The following PDE10A variants were observed in gnomAD, a reference collection of about 807,000 sequenced individuals.
The protein encoded by PDE10A is phosphodiesterase 10A, also known as cAMP and cAMP-inhibited cGMP 3',5'-cyclic phosphodiesterase 10A.
Under a neutral mutation model 97.7 loss-of-function variants are expected in PDE10A, and 39 were observed. The ratio of observed to expected loss-of-function variants is 0.40; its 90% confidence interval spans 0.31 to 0.52. The LOEUF (loss-of-function observed/expected upper bound fraction) is 0.52. PDE10A is among the 20% of genes least tolerant of loss of function. The pLI, the probability that PDE10A is intolerant of heterozygous loss-of-function variation, is 0.56. For synonymous variants in PDE10A, 371 were observed against 376.8 expected, an observed-to-expected ratio of 0.98 and a Z score of 0.18; for missense variants, 731 against 1,047.8, an observed-to-expected ratio of 0.70 and a Z score of 4.17.
chr6:165,633,475 G>A (rs1788728741), intron 1 of PDE10A, among the ~76,000 whole-genome samples: 1 of 152,000 alleles, frequency 6.6e-6, no homozygotes, highest in Admixed American at 6.6e-5. Flanking sequence ...AAACCCCCTC[G>A]GAAGGGAGAA....
At chr6:165,634,114 A>G (rs1583685193) in intron 1 of PDE10A, among the ~76,000 whole-genome samples, 1 of 152,108 alleles carries the variant, frequency 6.6e-6, no homozygotes, top group Non-Finnish European at 1.5e-5. Flanking sequence ...CTTCTGTTTC[A>G]GTGCGTCTGG....
intron 1 of PDE10A, among the ~76,000 whole-genome samples, chr6:165,584,748 A>G (rs772020413): frequency 1.9e-4 from 29 of 152,186 alleles, no homozygotes; most frequent in Non-Finnish European, 3.5e-4. Context: ...CTGTGACTGA[A>G]GTCAATGGAA....
chr6:165,691,589 GCGCACA>G (rs71029558), intron 1 of PDE10A, among the ~76,000 whole-genome samples: 91,555 of 144,096 alleles, frequency 0.64, 31,359 homozygotes, highest in Non-Finnish European at 0.79. Context: ...ATGCACGCGC[GCGCACA>G]CACACACACA....
rs189553912 is a variant in PDE10A at position 165,518,923 on chromosome 6, T to C, written c.994+24517A>G. Among the ~76,000 whole-genome samples, 469 of 152,312 alleles carry C rather than the reference T, an allele frequency of 3.1e-3. 2 individuals are homozygous for C. Among genetic ancestry groups the C allele is most frequent in the Middle Eastern group, 0.017 (5 of 294 alleles). ...TTGATGGCAACAGGGTTTGGTATTA[T>C]CAGTGGTTTCAGGCATCCACTGGGG... On this transcript the variant is annotated intron_variant, in intron 2 of 21. Transcript: ENST00000539869.
intron 1 of PDE10A, among the ~76,000 whole-genome samples, chr6:165,604,653 C>A (rs1202483584): frequency 6.6e-6 from 1 of 152,118 alleles, no homozygotes; most frequent in Non-Finnish European, 1.5e-5. Flanking sequence ...GAATGGGATA[C>A]TACTTATCCT....
intron 1 of PDE10A, among the ~76,000 whole-genome samples, chr6:165,600,020 G>C (rs1463710825): frequency 1.3e-5 from 2 of 152,246 alleles, no homozygotes; most frequent in Admixed American, 1.3e-4. Context: ...AGTGCAAGCT[G>C]TTCCCTCCGG....
chr6:165,460,557 CAG>C lies in PDE10A; in HGVS notation c.1024-10197_1024-10196del, dbSNP rs1778260223. 2.0e-5 allele frequency among the ~76,000 whole-genome samples: 3 copies of C among 152,174 alleles called. 1 individual carries two copies. In the East Asian group the frequency reaches 5.8e-4, roughly 29 times the overall value. On this transcript the variant is annotated intron_variant, in intron 3 of 21. Transcript: ENST00000539869. ...TTTAAAGGTTTGGTAGATACAGGAG[CAG>C]ACATTTCCATCATTTCTCTACAGCA...
In PDE10A at chr6:165,350,008, G is replaced by C. The variant is rs140664769; in HGVS notation, c.2784-6506C>G. On this transcript the variant is annotated intron_variant, in intron 18 of 21. Transcript: ENST00000539869. ...CCTCATGGAGAACCCTGCTAGGGCA[G>C]TGTGAAAGGGAAATGTGGAGTCAGA... 2.5e-3 allele frequency among the ~76,000 whole-genome samples: 382 copies of C among 152,348 alleles called. 2 individuals carry two copies. The highest frequency in any genetic ancestry group is 8.5e-3 in the African/African-American group (353 of 41,592).
chr6:165,702,025 G>C (rs562584161), intron 1 of PDE10A, among the ~76,000 whole-genome samples: 45 of 152,198 alleles, frequency 3.0e-4, no homozygotes, highest in Non-Finnish European at 5.9e-4. Flanking sequence ...GGGGAGGGCA[G>C]GAAGATGTGG....
intron 1 of PDE10A, chr6:165,545,349 C>T: frequency 3.1e-6 from 1 of 326,772 alleles, no homozygotes; most frequent in Non-Finnish European, 5.9e-6. Flanking sequence ...GAGTTATCTC[C>T]TTCTCACTTC....
intron 1 of PDE10A, among the ~76,000 whole-genome samples, chr6:165,574,854 T>C (rs907339974): frequency 1.3e-5 from 2 of 152,222 alleles, no homozygotes; most frequent in Non-Finnish European, 2.9e-5. Context: ...CAAGCTTACC[T>C]GTTAAAACAG....
intron 1 of PDE10A, among the ~76,000 whole-genome samples, chr6:165,627,651 T>C (rs930378099): frequency 1.3e-5 from 2 of 152,106 alleles, no homozygotes; most frequent in Non-Finnish European, 2.9e-5. Flanking sequence ...CAGAGCAGAG[T>C]AATCAAACAC....
rs1414064454 is a variant in PDE10A, at chr6:165,418,886, G to C, written c.1654-109C>G. On this transcript the variant is annotated intron_variant, in intron 10 of 21. Transcript: ENST00000539869. The surrounding 1 kb of genome is among the most constrained non-coding windows in gnomAD (Gnocchi z 4.8). ...ATTTCAGCTGTCCTATACTCTAATT[G>C]GTTGGTATTAGCATTATAAGTAAAT... The C allele has an allele frequency of 1.4e-5, 11 of 790,228 alleles. No homozygotes were observed. Among genetic ancestry groups the C allele is most frequent in the Non-Finnish European group, 2.1e-5 (10 of 484,942 alleles). The allele number at this position is 790,228 out of a possible 1,614,324, so 49.0% of individuals were successfully genotyped here.
chr6:165,363,360 C>T (rs1485318040), intron 18 of PDE10A, among the ~76,000 whole-genome samples: 1 of 151,752 alleles, frequency 6.6e-6, no homozygotes, highest in Non-Finnish European at 1.5e-5. Flanking sequence ...ACTAAAAATA[C>T]AAAAAATAGC....
At chr6:165,770,659 C>T (rs1402096470) in intron 1 of PDE10A, among the ~76,000 whole-genome samples, 1 of 152,210 alleles carries the variant, frequency 6.6e-6, no homozygotes, top group Non-Finnish European at 1.5e-5. Flanking sequence ...GAACGCCTCC[C>T]TCCTCCCGGG....
At chr6:165,334,474 C>T (rs1279456064) in intron 21 of PDE10A, among the ~76,000 whole-genome samples, 1 of 152,040 alleles carries the variant, frequency 6.6e-6, no homozygotes, top group Non-Finnish European at 1.5e-5. Context: ...TAGCGCCCTA[C>T]AGCACCGGGC....
rs753883234 is a variant in PDE10A at position 165,574,292 on chromosome 6, C to T, written c.866-30724G>A. Among the ~76,000 whole-genome samples, 10 of 151,374 alleles carry T rather than the reference C, an allele frequency of 6.6e-5. No homozygotes were observed. In the South Asian group the frequency reaches 8.3e-4, roughly 13 times the overall value. On this transcript the variant is annotated intron_variant, in intron 1 of 21. Transcript: ENST00000539869. ...AAAAAGCAATTTGTTAGAAAATGTA[C>T]GTGTGCCTCTTATATTAGCTCTACT...
rs935182751 is a variant in PDE10A at position 165,662,479 on chromosome 6, G to C, written c.333C>G (p.Ser111=). 12 of 148,572 alleles carry C rather than the reference G, an allele frequency of 8.1e-5. No individual in the cohort carries two copies. In the East Asian group the frequency reaches 2.1e-3, roughly 25 times the overall value. 9.2% of individuals were successfully genotyped at this position (148,572 alleles called of 1,614,324 possible). ...ALAFSSRVPS[S]SPSFFYFWPP... is the part of the protein sequence containing the mutation. ...GCCAGAAGTAAAAGAAAGATGGAGA[G>C]GAGGAGGGGACCCGGGACGAGAAGG... Residue 111 remains serine, a synonymous_variant, in exon 1 of 22, where the codon TCC becomes TCG. Coordinates refer to ENST00000539869, the MANE Select transcript of PDE10A (RefSeq NM_001385079.1).
At position 165,647,738 on chromosome 6, in the gene PDE10A, G is replaced by A. The variant is rs187734955; in HGVS notation, c.865+14209C>T. ...TCAGCAGCCTTTCTCTTCCTTTCCC[G>A]ACTGAAGCCCCTTTGGACGTCACTT... On this transcript the variant is annotated intron_variant, in intron 1 of 21. Transcript: ENST00000539869. 1.5e-4 allele frequency among the ~76,000 whole-genome samples: 23 copies of A among 152,216 alleles called. No homozygotes were observed. The East Asian group carries it at 2.3e-3, about 15-fold the overall frequency.
Sources: allele counts gnomAD v4.1 joint callset (sites outside exome capture counted in the v4.1 genomes callset), GRCh38; gene constraint gnomAD v4.1.1; non-coding constraint Gnocchi (gnomAD v3.1); transcripts MANE v1.5; gene names NCBI Gene and HGNC (gene_info 2026-07-23, HGNC 2026-07-21).